The following RBFOX1 variants were observed in gnomAD, a reference collection of about 807,000 sequenced individuals.
The protein encoded by RBFOX1 is RNA binding fox-1 homolog 1, also known as RNA binding protein fox-1 homolog 1.
Under a neutral mutation model 57.7 loss-of-function variants are expected in RBFOX1, and 8 were observed. That is an observed-to-expected ratio of 0.14 (90% CI 0.08 to 0.25). RBFOX1 has a LOEUF of 0.25. RBFOX1 is among the 10% of genes least tolerant of loss of function. The pLI, the probability that RBFOX1 is intolerant of heterozygous loss-of-function variation, is 1.00. For synonymous variants in RBFOX1, 326 were observed against 222.4 expected, an observed-to-expected ratio of 1.47 and a Z score of -4.15; for missense variants, 611 against 548.5, an observed-to-expected ratio of 1.11 and a Z score of -1.14.
At chr16:6,728,082 T>C (rs9935706) in intron 3 of RBFOX1, among the ~76,000 whole-genome samples, 137,809 of 152,138 alleles carry the variant, frequency 0.91, 64,039 homozygotes, top group East Asian at 1. Flanking sequence ...AGCATAGAGC[T>C]AGCCACCAAG....
chr16:5,902,741 C>G (rs951482933), intron 4 of RBFOX1, among the ~76,000 whole-genome samples: 8 of 152,000 alleles, frequency 5.3e-5, no homozygotes, highest in Middle Eastern at 3.2e-3. Context: ...GGACAAGAAG[C>G]CTTCATCAAT....
At chr16:6,148,923 A>G (rs951275857) in intron 1 of RBFOX1, among the ~76,000 whole-genome samples, 21 of 152,128 alleles carry the variant, frequency 1.4e-4, no homozygotes, top group African/African-American at 5.1e-4. Flanking sequence ...ATGTGCCTTG[A>G]AATTTTTTCA....
At chr16:5,325,372 C>A (rs2151260313) in intron 1 of RBFOX1, among the ~76,000 whole-genome samples, 1 of 152,314 alleles carries the variant, frequency 6.6e-6, no homozygotes, top group Non-Finnish European at 1.5e-5. Flanking sequence ...CCTATTCCTG[C>A]ACAGTTGTGT....
intron 4 of RBFOX1, among the ~76,000 whole-genome samples, chr16:5,896,565 G>A (rs578028777): frequency 1.3e-5 from 2 of 152,124 alleles, no homozygotes. Flanking sequence ...CATGCTTCTT[G>A]TACAGCTTGC....
At chr16:6,913,798 G>A (rs947191400) in intron 3 of RBFOX1, among the ~76,000 whole-genome samples, 1 of 152,168 alleles carries the variant, frequency 6.6e-6, no homozygotes, top group Non-Finnish European at 1.5e-5. Flanking sequence ...AACACACAGT[G>A]ACAGCAGGCA....
intron 3 of RBFOX1, among the ~76,000 whole-genome samples, chr16:5,699,454 T>G (rs2050958397): frequency 2.0e-5 from 3 of 152,024 alleles, no homozygotes; most frequent in African/African-American, 7.2e-5. Flanking sequence ...AGACAGTAGA[T>G]TGTTCTATTT....
rs553208003 is a variant in RBFOX1 at position 6,942,633 on chromosome 16, A to C, written c.-15-109424A>C. 5.3e-5 allele frequency among the ~76,000 whole-genome samples: 8 copies of C among 152,280 alleles called. No individual in the cohort carries two copies. The South Asian group carries it at 1.7e-3, about 32-fold the overall frequency. On this transcript the variant is annotated intron_variant, in intron 3 of 15. Coordinates refer to ENST00000550418, the MANE Select transcript of RBFOX1 (RefSeq NM_018723.4). ...ACTTTTCAGTGCAGGAGACGGTGCT[A>C]GGCAGAGTTGAGTGGACAGCGAGAA...
At chr16:7,401,610 A>G (rs1436554727) in intron 4 of RBFOX1, among the ~76,000 whole-genome samples, 1 of 152,228 alleles carries the variant, frequency 6.6e-6, no homozygotes, top group Non-Finnish European at 1.5e-5. Context: ...GATTCTGGCA[A>G]TAGGTAAATG....
chr16:5,603,756 C>A (rs976077767), downstream of RBFOX1, among the ~76,000 whole-genome samples: 1 of 152,154 alleles, frequency 6.6e-6, no homozygotes, highest in East Asian at 1.9e-4. Flanking sequence ...CATCTGTGAT[C>A]ATGTGGCCAC....
At chr16:6,233,258 G>C (rs1211696799) in intron 1 of RBFOX1, among the ~76,000 whole-genome samples, 1 of 152,140 alleles carries the variant, frequency 6.6e-6, no homozygotes, top group Non-Finnish European at 1.5e-5. Flanking sequence ...GGATGAGTTA[G>C]AGAAGCCCCA....
chr16:6,630,786 A>G (rs768358272), intron 2 of RBFOX1, among the ~76,000 whole-genome samples: 3 of 152,136 alleles, frequency 2.0e-5, no homozygotes, highest in Non-Finnish European at 4.4e-5. Context: ...TAGTTGACCT[A>G]TGTTACCCGA....
intron 2 of RBFOX1, among the ~76,000 whole-genome samples, chr16:6,550,150 C>A (rs937484862): frequency 6.6e-6 from 1 of 152,062 alleles, no homozygotes; most frequent in Non-Finnish European, 1.5e-5. Context: ...CTCTCTCTAT[C>A]TCTCACTGTT....
At chr16:5,856,943 T>A (rs1411111053) in intron 3 of RBFOX1, among the ~76,000 whole-genome samples, 1 of 152,166 alleles carries the variant, frequency 6.6e-6, no homozygotes. Flanking sequence ...TTTCTTTCAG[T>A]AACTTTTCTT....
At chr16:5,741,996 G>A (rs1165006705) in intron 3 of RBFOX1, among the ~76,000 whole-genome samples, 1 of 152,072 alleles carries the variant, frequency 6.6e-6, no homozygotes, top group Admixed American at 6.6e-5. Flanking sequence ...TCAGTCTTTT[G>A]GCACCCTGAG....
intron 2 of RBFOX1, among the ~76,000 whole-genome samples, chr16:5,539,986 A>G (rs1362421196): frequency 6.6e-6 from 1 of 152,214 alleles, no homozygotes; most frequent in Non-Finnish European, 1.5e-5. Flanking sequence ...AGTACATTTT[A>G]GCATTTAACC....
intron 1 of RBFOX1, among the ~76,000 whole-genome samples, chr16:6,109,490 G>T (rs1367672941): frequency 6.6e-6 from 1 of 152,082 alleles, no homozygotes. Context: ...GCATAATATA[G>T]TTAGTCGATG....
chr16:7,542,206 T>C lies in RBFOX1; in HGVS notation c.270+23817T>C, dbSNP rs534097571. On this transcript the variant is annotated intron_variant, in intron 5 of 15. Coordinates refer to ENST00000550418, the MANE Select transcript of RBFOX1 (RefSeq NM_018723.4). ...ATGGGCTACCTGGGCCAGAGAGATA[T>C]ACACAGAGAAGACTGGTCAAAGGGG... Among the ~76,000 whole-genome samples the C allele has an allele frequency of 7.7e-4, 117 of 152,276 alleles. 1 individual carries two copies. The highest frequency in any genetic ancestry group is 2.7e-3 in the African/African-American group (111 of 41,558).
intron 2 of RBFOX1, among the ~76,000 whole-genome samples, chr16:6,520,317 A>G (rs976155882): frequency 7.2e-5 from 11 of 152,226 alleles, no homozygotes; most frequent in Non-Finnish European, 1.5e-4. Context: ...AGTTGTTTAT[A>G]GAACTACAAA....
chr16:6,618,471 C>G (rs1031617629), intron 2 of RBFOX1, among the ~76,000 whole-genome samples: 1 of 152,152 alleles, frequency 6.6e-6, no homozygotes, highest in African/African-American at 2.4e-5. Context: ...ATAATAGTAG[C>G]ACACACTTCC....
Sources: gnomAD v4.1 joint callset for allele counts (sites outside exome capture counted in the v4.1 genomes callset) on GRCh38, gnomAD v4.1.1 for gene constraint, MANE v1.5 for transcripts, NCBI Gene and HGNC (gene_info 2026-07-23, HGNC 2026-07-21) for gene names.